Variants in IFT81 observed in about 807,000 individuals in gnomAD.
IFT81 encodes the protein intraflagellar transport 81, also known as intraflagellar transport protein 81 homolog.
IFT81 carries 72 observed loss-of-function variants against 102.6 expected under a neutral mutation model. The observed-to-expected ratio is 0.70, with a 90% confidence interval of 0.58 to 0.85. The LOEUF (loss-of-function observed/expected upper bound fraction) is 0.85. Ranked by LOEUF, IFT81 falls within the 40% of genes least tolerant of loss-of-function variation. IFT81 has a pLI of 0.00. For missense variants in IFT81, 723 were observed against 787.3 expected, an observed-to-expected ratio of 0.92 and a Z score of 0.98; for synonymous variants, 237 against 242.7, an observed-to-expected ratio of 0.98 and a Z score of 0.22.
chr12:110,158,466 C>A (rs1199713192), intron 10 of IFT81, among the ~76,000 whole-genome samples: 1 of 152,060 alleles, frequency 6.6e-6, no homozygotes, highest in Non-Finnish European at 1.5e-5. Flanking sequence ...AAACTCCTGG[C>A]CTTAAGGGAT....
At chr12:110,161,755 C>A (rs1290040979) in intron 10 of IFT81, among the ~76,000 whole-genome samples, 1 of 151,946 alleles carries the variant, frequency 6.6e-6, no homozygotes, top group African/African-American at 2.4e-5. Flanking sequence ...CACCCAGCCT[C>A]CTTCATTTTT....
chr12:110,174,960 A>T (rs755538758), intron 11 of IFT81, among the ~76,000 whole-genome samples: 7 of 152,184 alleles, frequency 4.6e-5, no homozygotes, highest in Admixed American at 6.5e-5. Flanking sequence ...CTCTCTCAGC[A>T]CCTGCTAGCA....
chr12:110,163,790 A>G lies in IFT81; in HGVS notation c.1188+725A>G, dbSNP rs535875577. The stretch of plus-strand genomic sequence containing the variant: ...GTCACCAGGCCTGGCTAATTTTTGT[A>G]TTTTTAGTAGAGACGGGGTTTCACC... On this transcript the variant is annotated intron_variant, in intron 11 of 18. Transcript: ENST00000242591. Among the ~76,000 whole-genome samples, 159 of 149,960 alleles carry G rather than the reference A, an allele frequency of 1.1e-3. 1 individual carries two copies. Among genetic ancestry groups the G allele is most frequent in the Middle Eastern group, 0.01 (3 of 288 alleles).
intron 4 of IFT81, among the ~76,000 whole-genome samples, chr12:110,130,084 A>C (rs913728426): frequency 2.0e-5 from 3 of 152,064 alleles, no homozygotes; most frequent in Non-Finnish European, 2.9e-5. Context: ...GAATATTTTT[A>C]TTTTTATCCA....
chr12:110,188,094 A>T (rs1283441223), intron 12 of IFT81, among the ~76,000 whole-genome samples: 1 of 152,132 alleles, frequency 6.6e-6, no homozygotes, highest in South Asian at 2.1e-4. Flanking sequence ...ACACTTTGGG[A>T]GGCTGAGGCG....
chr12:110,215,724 G>T (rs1249638914), intron 18 of IFT81, among the ~76,000 whole-genome samples: 1 of 150,940 alleles, frequency 6.6e-6, no homozygotes, highest in Non-Finnish European at 1.5e-5. Context: ...GTCACTTATT[G>T]TCTCTGACTT....
intron 14 of IFT81, among the ~76,000 whole-genome samples, chr12:110,202,125 C>A (rs1324946214): frequency 6.6e-6 from 1 of 152,178 alleles, no homozygotes; most frequent in Non-Finnish European, 1.5e-5. Context: ...TTGGTTTACA[C>A]CAGCATCACC....
intron 4 of IFT81, among the ~76,000 whole-genome samples, 157 bp from the exon 5 acceptor site, chr12:110,132,390 G>T (rs1036155876): frequency 1.3e-5 from 2 of 151,682 alleles, no homozygotes; most frequent in African/African-American, 4.8e-5. Context: ...AATCTGGGAG[G>T]CGGAAGTTGT....
chr12:110,176,030 C>T (rs918310229), intron 11 of IFT81, among the ~76,000 whole-genome samples: 1 of 152,086 alleles, frequency 6.6e-6, no homozygotes, highest in African/African-American at 2.4e-5. Flanking sequence ...CATTTTCACC[C>T]TCTGTGTCTA....
chr12:110,157,729 C>T (rs577972706), intron 10 of IFT81, among the ~76,000 whole-genome samples: 1 of 152,280 alleles, frequency 6.6e-6, no homozygotes, highest in African/African-American at 2.4e-5. Flanking sequence ...TTTTTCTCTT[C>T]CTATTTCTCA....
intron 11 of IFT81, among the ~76,000 whole-genome samples, chr12:110,176,707 C>T (rs889802826): frequency 6.6e-6 from 1 of 152,198 alleles, no homozygotes; most frequent in Non-Finnish European, 1.5e-5. Flanking sequence ...TGATGGCCAC[C>T]TATTGCTTAA....
intron 4 of IFT81, among the ~76,000 whole-genome samples, chr12:110,130,787 T>C (rs1250171755): frequency 6.6e-6 from 1 of 151,862 alleles, no homozygotes; most frequent in African/African-American, 2.4e-5. Flanking sequence ...TATATACATA[T>C]ACATATATAT....
intron 17 of IFT81, 140 bp from the exon 18 acceptor site, chr12:110,209,031 A>T (rs1304431680): frequency 4.9e-6 from 2 of 410,946 alleles, no homozygotes; most frequent in East Asian, 3.7e-5. Flanking sequence ...AAAGAATTTT[A>T]TAATGGGTTT....
chr12:110,136,669 T>G, intron 7 of IFT81, 107 bp from the exon 8 acceptor site: 1 of 527,874 alleles, frequency 1.9e-6, no homozygotes, highest in South Asian at 5.2e-5. Context: ...TATTTGTTCC[T>G]TTTATATCAT....
intron 12 of IFT81, among the ~76,000 whole-genome samples, chr12:110,183,324 C>T (rs951020367): frequency 3.9e-5 from 6 of 152,072 alleles, no homozygotes; most frequent in Non-Finnish European, 8.8e-5. Context: ...AGAAAGGGTC[C>T]GATGTTATTA....
At chr12:110,185,517 G>T (rs755128547) in intron 12 of IFT81, among the ~76,000 whole-genome samples, 1 of 151,780 alleles carries the variant, frequency 6.6e-6, no homozygotes, top group South Asian at 2.1e-4. Context: ...TACTATTGCC[G>T]TGTCCTGGGC....
intron 10 of IFT81, among the ~76,000 whole-genome samples, chr12:110,161,871 A>G (rs550706987): frequency 6.6e-6 from 1 of 152,230 alleles, no homozygotes; most frequent in Admixed American, 6.5e-5. Flanking sequence ...TGTGCTAGAG[A>G]TTTCGCTCTC....
intron 11 of IFT81, chr12:110,172,139 A>G (rs2137477270): frequency 6.6e-6 from 1 of 152,318 alleles, no homozygotes; most frequent in African/African-American, 2.4e-5. Context: ...TATTTTAAAA[A>G]ATGGTTCTGG....
chr12:110,178,838 A>G (rs1244399374), intron 11 of IFT81, among the ~76,000 whole-genome samples: 1 of 144,394 alleles, frequency 6.9e-6, no homozygotes, highest in Non-Finnish European at 1.5e-5. Context: ...GCTGGTTTGG[A>G]ACTCCTAACC....
Sources: gnomAD v4.1 joint callset for allele counts (sites outside exome capture counted in the v4.1 genomes callset) on GRCh38, gnomAD v4.1.1 for gene constraint, MANE v1.5 for transcripts, NCBI Gene and HGNC (gene_info 2026-07-23, HGNC 2026-07-21) for gene names.